The following MKLN1 variants were observed in gnomAD, a reference collection of about 807,000 sequenced individuals.
MKLN1 encodes the protein muskelin.
Under a neutral mutation model 99.0 loss-of-function variants are expected in MKLN1, and 18 were observed. The observed-to-expected ratio is 0.18, with a 90% CI of 0.13 to 0.27. MKLN1 has a LOEUF of 0.27. Among genes scored for constraint, MKLN1 ranks in the 10% least tolerant of loss-of-function variants. The probability of loss-of-function intolerance (pLI) is 1.00; values close to 1 mark genes in which losing one functional copy is unlikely to be tolerated. For synonymous variants in MKLN1, 288 were observed against 293.2 expected (o/e 0.98, Z 0.18); for missense variants, 621 against 875.9 (o/e 0.71, Z 3.67).
chr7:131,278,556 A>G (rs952775529), intron 3 of MKLN1, among the ~76,000 whole-genome samples: 1 of 152,060 alleles, frequency 6.6e-6, no homozygotes, highest in Non-Finnish European at 1.5e-5. Context: ...ACTAGAGAGT[A>G]GTAGTTGTGG....
At position 131,151,135 on chromosome 7, in the gene MKLN1, A is replaced by T. The variant is rs549894743; in HGVS notation, c.-297+8194A>T. Among the ~76,000 whole-genome samples the T allele has an allele frequency of 4.6e-5, 7 of 152,320 alleles. No individual in the cohort carries two copies. In the South Asian group the frequency reaches 1.2e-3, roughly 27 times the overall value. On this transcript the variant is annotated intron_variant, in intron 2 of 7. Transcript: ENST00000416992. ...TCATGGCCTTACATTTATTTCAGTG[A>T]TACAAAAAGAGTGATTTGATTTGAT... is the stretch of plus-strand genomic sequence containing the variant.
At chr7:131,117,921 C>G (rs1404663027) in intron 1 of MKLN1, among the ~76,000 whole-genome samples, 1 of 152,186 alleles carries the variant, frequency 6.6e-6, no homozygotes, top group Non-Finnish European at 1.5e-5. Flanking sequence ...GTGTCAAGAC[C>G]ATGACTAAGA....
intron 8 of MKLN1, among the ~76,000 whole-genome samples, chr7:131,423,806 A>G (rs1795273661): frequency 6.6e-6 from 1 of 152,230 alleles, no homozygotes; most frequent in South Asian, 2.1e-4. Context: ...TAACAGAAAG[A>G]ATTCTGAAAT....
intron 1 of MKLN1, among the ~76,000 whole-genome samples, chr7:131,118,340 G>A (rs1394570048): frequency 6.6e-6 from 1 of 152,122 alleles, no homozygotes; most frequent in African/African-American, 2.4e-5. Flanking sequence ...AATCACCTGA[G>A]GTCAGGAGTT....
At chr7:131,192,171 A>G (rs1796563653) in intron 2 of MKLN1, among the ~76,000 whole-genome samples, 1 of 91,684 alleles carries the variant, frequency 1.1e-5, no homozygotes, top group African/African-American at 4.8e-5. Flanking sequence ...ACTTATGTAT[A>G]ATATATAAAA....
intron 2 of MKLN1, among the ~76,000 whole-genome samples, chr7:131,191,007 T>C (rs1426793363): frequency 6.6e-6 from 1 of 152,208 alleles, no homozygotes; most frequent in African/African-American, 2.4e-5. Flanking sequence ...CGAGACTCTC[T>C]GCTCCCAGGT....
chr7:131,410,690 A>C (rs1794848333), intron 6 of MKLN1, among the ~76,000 whole-genome samples: 1 of 152,186 alleles, frequency 6.6e-6, no homozygotes, highest in Admixed American at 6.5e-5. Context: ...ATAGGATGTA[A>C]AGATTAAGAA....
intron 3 of MKLN1, among the ~76,000 whole-genome samples, chr7:131,307,770 G>C (rs562345410): frequency 6.6e-6 from 1 of 152,244 alleles, no homozygotes; most frequent in African/African-American, 2.4e-5. Flanking sequence ...TATTTTACAG[G>C]CTCCTAGGCA....
intron 3 of MKLN1, among the ~76,000 whole-genome samples, chr7:131,249,212 T>C (rs1797540499): frequency 6.6e-6 from 1 of 152,216 alleles, no homozygotes; most frequent in Non-Finnish European, 1.5e-5. Context: ...CCACATGGGT[T>C]CAGCCATGAG....
intron 1 of MKLN1, among the ~76,000 whole-genome samples, chr7:131,335,467 A>T (rs1199537190): frequency 6.6e-6 from 1 of 152,130 alleles, no homozygotes; most frequent in Non-Finnish European, 1.5e-5. Context: ...TCCCTAAAAA[A>T]GTTGTTGAAT....
chr7:131,461,144 T>C (rs1796502270), intron 12 of MKLN1, among the ~76,000 whole-genome samples: 1 of 152,204 alleles, frequency 6.6e-6, no homozygotes, highest in Non-Finnish European at 1.5e-5. Flanking sequence ...CTAGGTTACT[T>C]ATAATACCTG....
At chr7:131,274,938 T>G (rs1584883364) in intron 3 of MKLN1, among the ~76,000 whole-genome samples, 1 of 152,204 alleles carries the variant, frequency 6.6e-6, no homozygotes, top group African/African-American at 2.4e-5. Context: ...TTTCCCTTCT[T>G]GGCCTCTGAG....
intron 1 of MKLN1, among the ~76,000 whole-genome samples, chr7:131,126,005 C>CA (rs370119710): frequency 0.54 from 64,556 of 119,966 alleles, 16,942 homozygotes; most frequent in Non-Finnish European, 0.64. Context: ...GACTCCGTCT[C>CA]AAAAAAAAAA....
At chr7:131,221,361 A>G (rs1797056985) in intron 3 of MKLN1, among the ~76,000 whole-genome samples, 1 of 152,134 alleles carries the variant, frequency 6.6e-6, no homozygotes, top group Non-Finnish European at 1.5e-5. Flanking sequence ...CTGGAGGAGA[A>G]AGGTGTCCAG....
rs11339275 is a variant in MKLN1 at position 131,128,205 on chromosome 7, CAA to C, written c.-418-14600_-418-14599del. Among the ~76,000 whole-genome samples the C allele has an allele frequency of 1.9e-3, 158 of 85,278 alleles. 1 individual carries two copies. Among genetic ancestry groups the C allele is most frequent in the African/African-American group, 5.9e-3 (140 of 23,628 alleles). 55.9% of individuals were successfully genotyped at this position (85,278 alleles called of 152,430 possible). ...AGGGACCGAAGTATCGCCTCTGATT[CAA>C]AAAAAAAAAAAAAACAACAAACAAA... On this transcript the variant is annotated intron_variant, in intron 1 of 7. Transcript: ENST00000416992.
intron 8 of MKLN1, among the ~76,000 whole-genome samples, chr7:131,422,190 A>G (rs1382704764): frequency 6.6e-6 from 1 of 152,120 alleles, no homozygotes; most frequent in Non-Finnish European, 1.5e-5. Context: ...TCTGTTTGCA[A>G]ATTTTTTCTA....
intron 3 of MKLN1, among the ~76,000 whole-genome samples, chr7:131,239,318 T>TC (rs1797367887): frequency 6.6e-6 from 1 of 152,012 alleles, no homozygotes; most frequent in African/African-American, 2.4e-5. Context: ...CTTATCTTTT[T>TC]CTTTTTTTTT....
intron 1 of MKLN1, among the ~76,000 whole-genome samples, chr7:131,116,636 A>C (rs970461137): frequency 6.6e-6 from 1 of 152,086 alleles, no homozygotes. Flanking sequence ...TAGAACATGG[A>C]AATTAAACTA....
chr7:131,468,980 A>G (rs1297130781), intron 15 of MKLN1, among the ~76,000 whole-genome samples: 3 of 152,188 alleles, frequency 2.0e-5, no homozygotes, highest in Admixed American at 6.5e-5. Flanking sequence ...GAACGGTGAA[A>G]CTGGATGGAG....
Sources: allele counts gnomAD v4.1 joint callset (sites outside exome capture counted in the v4.1 genomes callset), GRCh38; gene constraint gnomAD v4.1.1; transcripts MANE v1.5; gene names NCBI Gene and HGNC (gene_info 2026-07-23, HGNC 2026-07-21).